Variants in ZBTB16 observed in about 807,000 individuals in gnomAD.
The protein encoded by ZBTB16 is zinc finger and BTB domain-containing protein 16.
A neutral mutation model predicts 56.8 loss-of-function variants in ZBTB16; 8 were observed. The observed-to-expected ratio is 0.14, with a 90% CI of 0.08 to 0.25. ZBTB16 has a LOEUF of 0.25. Ranked by LOEUF, ZBTB16 falls within the 10% of genes least tolerant of loss-of-function variation. The probability of loss-of-function intolerance (pLI) is 1.00; values close to 1 mark genes in which losing one functional copy is unlikely to be tolerated. For synonymous variants in ZBTB16, 363 were observed against 368.5 expected (o/e 0.98, Z 0.17); for missense variants, 625 against 903.0 (o/e 0.69, Z 3.95).
intron 2 of ZBTB16, among the ~76,000 whole-genome samples, chr11:114,148,834 T>C (rs1942211107): frequency 6.6e-6 from 1 of 151,432 alleles, no homozygotes; most frequent in Admixed American, 6.6e-5. Context: ...AGCTTCTCTT[T>C]TGGACAGTAG....
intron 5 of ZBTB16, among the ~76,000 whole-genome samples, chr11:114,246,365 C>G (rs1944817359): frequency 6.6e-6 from 1 of 152,246 alleles, no homozygotes; most frequent in African/African-American, 2.4e-5. Flanking sequence ...CTTGCCGTTT[C>G]ACCTTAGGGA....
At position 114,091,486 on chromosome 11, in the gene ZBTB16, A is replaced by G. The variant is rs185834598; in HGVS notation, c.1268+26918A>G. Among the ~76,000 whole-genome samples, 56 of 151,694 alleles carry G rather than the reference A, an allele frequency of 3.7e-4. No homozygotes were observed. The East Asian group carries it at 8.6e-3, about 23-fold the overall frequency. Reference sequence around the variant, plus strand: ...TGCTGGTGCTCGGTGGTCACCGTAGACGTCCGAGCAGCCCCTGGGGCTTTG... The same window carrying G: ...TGCTGGTGCTCGGTGGTCACCGTAGGCGTCCGAGCAGCCCCTGGGGCTTTG... On this transcript the variant is annotated intron_variant, in intron 2 of 6. Coordinates refer to ENST00000335953, the MANE Select transcript of ZBTB16 (RefSeq NM_006006.6).
Position 114,068,971 on chromosome 11 carries a change from T to C in ZBTB16, c.1268+4403T>C, listed in dbSNP as rs577545108. Among the ~76,000 whole-genome samples the C allele has an allele frequency of 4.1e-4, 63 of 152,324 alleles. 1 individual carries two copies. In the South Asian group the frequency reaches 0.013, roughly 31 times the overall value. ...TCACGCAGCTTGGTCTTTATGTGTT[T>C]CTGAATTTAGTGCTGCAGAGGCACA... On this transcript the variant is annotated intron_variant, in intron 2 of 6. Transcript: ENST00000335953.
At chr11:114,089,259 C>T (rs919142396) in intron 2 of ZBTB16, among the ~76,000 whole-genome samples, 1 of 152,284 alleles carries the variant, frequency 6.6e-6, no homozygotes, top group Non-Finnish European at 1.5e-5. Context: ...CTTTGGCAGG[C>T]AGGGATGTCT....
intron 4 of ZBTB16, among the ~76,000 whole-genome samples, chr11:114,228,219 T>C (rs11214905): frequency 0.058 from 8,762 of 152,328 alleles, 331 homozygotes; most frequent in East Asian, 0.12. Flanking sequence ...TAGAAATATG[T>C]GTGATTCTTT....
In ZBTB16 at chr11:114,064,619, C is replaced by T; in HGVS notation, c.1268+51C>T. 1.2e-6 allele frequency: 2 copies of T among 1,602,860 alleles called. No individual in the cohort carries two copies. Among genetic ancestry groups the T allele is most frequent in the Non-Finnish European group, 1.7e-6 (2 of 1,175,790 alleles). On this transcript the variant is annotated intron_variant, in intron 2 of 6. Coordinates refer to ENST00000335953, the MANE Select transcript of ZBTB16 (RefSeq NM_006006.6). The surrounding 1 kb of genome is among the most constrained non-coding windows in gnomAD (Gnocchi z 4.2). ...TGATGTAGGACTTGAGGCCCTCACA[C>T]CCCTCCTTCACACCCTGGCTGCTCC...
Position 114,064,442 on chromosome 11 carries a change from A to G in ZBTB16, c.1142A>G (p.Gln381Arg), listed in dbSNP as rs1939032827. ...YGGLLPQGFIQRELFSKLGEL... is the reference protein window; with the variant it reads ...YGGLLPQGFIRRELFSKLGEL... ...GGGCTGCTGCCCCAGGGCTTCATCC[A>G]GAGGGAGCTGTTCAGCAAGCTGGGG... Residue 381 changes from glutamine (Q) to arginine (R), a missense_variant, in exon 2 of 7, where the codon CAG becomes CGG. Transcript: ENST00000335953. This position sits in a 1 kb window ranked among gnomAD's most constrained non-coding sequence, Gnocchi z 4.2. The G allele has an allele frequency of 1.2e-6, 2 of 1,614,106 alleles. No homozygotes were observed. The highest frequency in any genetic ancestry group is 4.5e-5 in the East Asian group (2 of 44,870).
chr11:114,113,043 G>A (rs1395543940), intron 2 of ZBTB16, among the ~76,000 whole-genome samples: 5 of 152,042 alleles, frequency 3.3e-5, no homozygotes, highest in African/African-American at 7.2e-5. Flanking sequence ...CTAAAATGCC[G>A]GGATTACATG....
chr11:114,174,924 C>G (rs186382788), intron 3 of ZBTB16, among the ~76,000 whole-genome samples: 129 of 152,290 alleles, frequency 8.5e-4, no homozygotes, highest in African/African-American at 3.1e-3. Flanking sequence ...AAGCTGGGCC[C>G]GTGCTCCCAT....
chr11:114,074,507 C>T (rs1376102295), intron 2 of ZBTB16, among the ~76,000 whole-genome samples: 1 of 152,190 alleles, frequency 6.6e-6, no homozygotes, highest in Non-Finnish European at 1.5e-5. Context: ...TCAGCTCCCC[C>T]AACCCATCTC....
At chr11:114,171,247 A>G (rs1942959211) in intron 3 of ZBTB16, among the ~76,000 whole-genome samples, 1 of 152,246 alleles carries the variant, frequency 6.6e-6, no homozygotes, top group Admixed American at 6.5e-5. Flanking sequence ...GTCCTGTCCG[A>G]GCAAAGCGTG....
chr11:114,060,166 T>G lies in ZBTB16; in HGVS notation c.-91+284T>G. The G allele has an allele frequency of 1.1e-5, 2 of 180,702 alleles. No homozygotes were observed. Among genetic ancestry groups the G allele is most frequent in the Non-Finnish European group, 2.3e-5 (2 of 87,238 alleles). 11.2% of individuals were successfully genotyped at this position (180,702 alleles called of 1,614,324 possible). On this transcript the variant is annotated intron_variant, in intron 1 of 6. Coordinates refer to ENST00000335953, the MANE Select transcript of ZBTB16 (RefSeq NM_006006.6). This position sits in a 1 kb window ranked among gnomAD's most constrained non-coding sequence, Gnocchi z 6.0. ...GGGTGAGAGGTGGGGGGCGTAGCGG[T>G]GTGCGGGGGCTGAGGGCGTGAGCAG... is the stretch of plus-strand genomic sequence containing the variant.
At chr11:114,095,245 C>CTTTTTTTTTTTT (rs745895999) in intron 2 of ZBTB16, among the ~76,000 whole-genome samples, 1 of 90,480 alleles carries the variant, frequency 1.1e-5, no homozygotes, top group African/African-American at 6.2e-5. Context: ...CTTTTCTTTT[C>CTTTTTTTTTTTT]TTTTTTTTTT....
rs1944958495 is a variant in ZBTB16, at chr11:114,253,967, G to A, written c.*3412G>A. ...TGTGGTACTGCTGACAACCCTGCTT[G>A]CTACTGCCTTATCCAGCACAGTGAA... On this transcript the variant is annotated 3_prime_UTR_variant, in exon 7 of 7. Transcript: ENST00000335953. 6.6e-6 allele frequency among the ~76,000 whole-genome samples: 1 copy of A among 152,082 alleles called. No homozygotes were observed. Among genetic ancestry groups the A allele is most frequent in the East Asian group, 1.9e-4 (1 of 5,180 alleles).
At chr11:114,157,673 C>A (rs991002684) in intron 3 of ZBTB16, among the ~76,000 whole-genome samples, 3 of 152,236 alleles carry the variant, frequency 2.0e-5, no homozygotes, top group African/African-American at 7.2e-5. Flanking sequence ...TGCCTTGCTG[C>A]AGGGCCCATG....
At chr11:114,175,356 C>G (rs1943081429) in intron 3 of ZBTB16, among the ~76,000 whole-genome samples, 1 of 152,168 alleles carries the variant, frequency 6.6e-6, no homozygotes, top group Non-Finnish European at 1.5e-5. Flanking sequence ...CATGTGTTGC[C>G]CATTCATTAT....
chr11:114,244,366 G>T (rs1944773794), intron 5 of ZBTB16, among the ~76,000 whole-genome samples: 1 of 150,640 alleles, frequency 6.6e-6, no homozygotes, highest in Non-Finnish European at 1.5e-5. Flanking sequence ...AGGACAGATT[G>T]GGGGGGGCGG....
At chr11:114,209,972 A>G (rs1259748262) in intron 4 of ZBTB16, 1 of 985,036 alleles carries the variant, frequency 1.0e-6, no homozygotes, top group Non-Finnish European at 1.2e-6. Context: ...GCTACTTATT[A>G]GGAGCAAGAC....
chr11:114,097,570 T>A (rs1056831917), intron 2 of ZBTB16, among the ~76,000 whole-genome samples: 2 of 152,190 alleles, frequency 1.3e-5, no homozygotes, highest in Non-Finnish European at 2.9e-5. Context: ...ATAAAAACCC[T>A]CTGCTAAATT....
Sources: gnomAD v4.1 joint callset for allele counts (sites outside exome capture counted in the v4.1 genomes callset) on GRCh38, gnomAD v4.1.1 for gene constraint, Gnocchi (gnomAD v3.1) non-coding constraint, MANE v1.5 for transcripts, NCBI Gene and HGNC (gene_info 2026-07-23, HGNC 2026-07-21) for gene names.